EYS: variants seen among roughly 807,000 people sequenced by gnomAD.
EYS encodes protein eyes shut homolog.
EYS carries 250 observed loss-of-function variants against 282.1 expected under a neutral mutation model. The observed-to-expected ratio is 0.89, with a 90% confidence interval of 0.80 to 0.98. EYS has a LOEUF of 0.98. EYS is among the 50% of genes least tolerant of loss of function. The probability of loss-of-function intolerance (pLI) is 0.00; values close to 1 mark genes in which losing one functional copy is unlikely to be tolerated. For missense variants in EYS, 4,016 were observed against 3,709.0 expected, an observed-to-expected ratio of 1.08 and a Z score of -2.15; for synonymous variants, 1,355 against 1,282.9, an observed-to-expected ratio of 1.06 and a Z score of -1.20.
chr6:64,818,410 A>G (rs758107175), intron 21 of EYS, among the ~76,000 whole-genome samples: 3 of 152,182 alleles, frequency 2.0e-5, no homozygotes, highest in Non-Finnish European at 4.4e-5. Flanking sequence ...CAGGACGAAT[A>G]GGATAGAAGT....
chr6:64,132,970 G>A (rs1230017911), intron 31 of EYS, among the ~76,000 whole-genome samples: 1 of 151,766 alleles, frequency 6.6e-6, no homozygotes, highest in African/African-American at 2.4e-5. Context: ...AAGTAAAATT[G>A]AATGTACTAC....
chr6:65,265,005 A>C (rs529483431), intron 12 of EYS, among the ~76,000 whole-genome samples: 21 of 151,980 alleles, frequency 1.4e-4, no homozygotes, highest in Admixed American at 4.6e-4. Context: ...CCTCTAGAAA[A>C]GTTCAGAAAG....
chr6:64,558,495 T>C (rs144878200), intron 26 of EYS, among the ~76,000 whole-genome samples: 259 of 152,134 alleles, frequency 1.7e-3, no homozygotes, highest in Non-Finnish European at 3.1e-3. Flanking sequence ...AATTTTCCTA[T>C]AGAGATATGG....
chr6:64,048,888 C>T (rs1250577961), intron 33 of EYS, among the ~76,000 whole-genome samples: 1 of 147,530 alleles, frequency 6.8e-6, no homozygotes, highest in Non-Finnish European at 1.5e-5. Flanking sequence ...CAGGTTCAGT[C>T]ATTCTCCTGC....
chr6:65,655,970 T>A (rs1258356144), intron 1 of EYS, among the ~76,000 whole-genome samples: 2 of 151,896 alleles, frequency 1.3e-5, no homozygotes, highest in African/African-American at 4.8e-5. Flanking sequence ...TCACTTCGTG[T>A]CTCTGCGTCA....
intron 30 of EYS, among the ~76,000 whole-genome samples, chr6:64,286,777 TA>T (rs1002012756): frequency 2.0e-5 from 3 of 152,190 alleles, no homozygotes; most frequent in Non-Finnish European, 2.9e-5. Context: ...TAAGCCTTAA[TA>T]TGTATCTAAT....
intron 29 of EYS, among the ~76,000 whole-genome samples, chr6:64,374,541 T>C (rs938158476): frequency 6.6e-6 from 1 of 152,156 alleles, no homozygotes; most frequent in African/African-American, 2.4e-5. Context: ...GATGTTTTCC[T>C]AGCTCCATGC....
At chr6:64,961,813 A>T (rs185575299) in intron 14 of EYS, among the ~76,000 whole-genome samples, 197 of 152,272 alleles carry the variant, frequency 1.3e-3, no homozygotes, top group African/African-American at 4.6e-3. Flanking sequence ...CAATTTACTT[A>T]GCCTATCTTT....
At chr6:64,020,918 A>G (rs532904099) in intron 33 of EYS, among the ~76,000 whole-genome samples, 215 of 152,290 alleles carry the variant, frequency 1.4e-3, no homozygotes, top group African/African-American at 4.1e-3. Context: ...TTTTTGTATT[A>G]AAGGATTTCC....
At position 65,005,222 on chromosome 6, in the gene EYS, C is replaced by T. The variant is rs910857978; in HGVS notation, c.2138-7519G>A. The stretch of plus-strand genomic sequence containing the variant: ...TCCAGCGAGGCGCCCATTGCCACTC[C>T]CGATCGGGCTAAAGGCTTGCCATTG... On this transcript the variant is annotated intron_variant, in intron 13 of 42. Transcript: ENST00000503581. Among the ~76,000 whole-genome samples the T allele has an allele frequency of 2.0e-5, 3 of 148,028 alleles. 1 individual carries two copies. Among genetic ancestry groups the T allele is most frequent in the Non-Finnish European group, 4.5e-5 (3 of 66,030 alleles).
chr6:65,455,717 T>G lies in EYS; in HGVS notation c.862+34877A>C, dbSNP rs930688235. On this transcript the variant is annotated intron_variant, in intron 5 of 42. Transcript: ENST00000503581. ...TTAAATTTTGTAGAAATACAAAATC[T>G]GAACAGAACAAAAATTAGTAAGAAA... 4.6e-5 allele frequency among the ~76,000 whole-genome samples: 7 copies of G among 152,062 alleles called. No individual in the cohort carries two copies. In the South Asian group the frequency reaches 6.2e-4, roughly 14 times the overall value.
chr6:65,051,242 A>G (rs1773259431), intron 13 of EYS, among the ~76,000 whole-genome samples: 1 of 151,558 alleles, frequency 6.6e-6, no homozygotes, highest in Non-Finnish European at 1.5e-5. Flanking sequence ...AATATATGAC[A>G]GAAATATAAG....
At chr6:64,007,489 C>T (rs1174543573) in intron 33 of EYS, among the ~76,000 whole-genome samples, 14 of 151,470 alleles carry the variant, frequency 9.2e-5, no homozygotes, top group Admixed American at 8.5e-4. Context: ...TCTCAATTTC[C>T]TTCAGTTCAG....
intron 31 of EYS, among the ~76,000 whole-genome samples, chr6:64,194,253 C>T (rs1296043453): frequency 6.6e-6 from 1 of 151,630 alleles, no homozygotes; most frequent in Non-Finnish European, 1.5e-5. Flanking sequence ...TCTTTATATT[C>T]AAGAAGTCTT....
At chr6:65,623,904 G>C (rs1246066459) in intron 2 of EYS, among the ~76,000 whole-genome samples, 2 of 152,138 alleles carry the variant, frequency 1.3e-5, no homozygotes, top group African/African-American at 4.8e-5. Flanking sequence ...GGCTCATGTT[G>C]AGTGGGAAGC....
chr6:64,189,121 C>T (rs1002319978), intron 31 of EYS, among the ~76,000 whole-genome samples: 7 of 142,804 alleles, frequency 4.9e-5, no homozygotes, highest in African/African-American at 1.0e-4. Context: ...ACTTTTGAGC[C>T]CTGTTTTGAG....
intron 19 of EYS, among the ~76,000 whole-genome samples, chr6:64,856,779 T>C (rs770895530): frequency 1.2e-4 from 18 of 152,154 alleles, no homozygotes; most frequent in South Asian, 4.1e-4. Context: ...TTCCAACTTA[T>C]GTTTTTTTTT....
intron 30 of EYS, among the ~76,000 whole-genome samples, chr6:64,296,541 A>AATATAT (rs1211614579): frequency 6.0e-3 from 92 of 15,274 alleles, no homozygotes; most frequent in South Asian, 0.019. Flanking sequence ...GTACTGGCAG[A>AATATAT]ATATATATAT....
chr6:65,513,319 G>C (rs1286822818), intron 2 of EYS, among the ~76,000 whole-genome samples: 1 of 152,034 alleles, frequency 6.6e-6, no homozygotes, highest in Non-Finnish European at 1.5e-5. Flanking sequence ...ACCAAAAAGA[G>C]TCCAGGACCA....
Sources: allele counts gnomAD v4.1 joint callset (sites outside exome capture counted in the v4.1 genomes callset), GRCh38; gene constraint gnomAD v4.1.1; transcripts MANE v1.5; gene names NCBI Gene and HGNC (gene_info 2026-07-23, HGNC 2026-07-21).